Variants in ITGA3 observed in about 807,000 individuals in gnomAD.
The protein encoded by ITGA3 is integrin subunit alpha 3.
A neutral mutation model predicts 131.1 loss-of-function variants in ITGA3; 70 were observed. The ratio of observed to expected loss-of-function variants is 0.53; its 90% CI spans 0.44 to 0.65. The LOEUF (loss-of-function observed/expected upper bound fraction) is 0.65. Among genes scored for constraint, ITGA3 ranks in the 30% least tolerant of loss-of-function variants. ITGA3 has a pLI of 0.00. For synonymous variants in ITGA3, 537 were observed against 571.6 expected, an observed-to-expected ratio of 0.94 and a Z score of 0.86; for missense variants, 1,098 against 1,388.6, an observed-to-expected ratio of 0.79 and a Z score of 3.33.
intron 25 of ITGA3, 106 bp from the exon 26 acceptor site, chr17:50,089,004 T>C (rs1444502539): frequency 6.1e-6 from 5 of 821,630 alleles, no homozygotes; most frequent in Non-Finnish European, 1.0e-5. Flanking sequence ...GGTCAAGAGT[T>C]CTGGCTTTGA....
intron 22 of ITGA3, among the ~76,000 whole-genome samples, chr17:50,080,753 G>A (rs1465133185): frequency 6.6e-6 from 1 of 151,942 alleles, no homozygotes; most frequent in Non-Finnish European, 1.5e-5. Context: ...AGCTGAAAAT[G>A]ACCTCTCTTC....
chr17:50,068,270 T>C lies in ITGA3; in HGVS notation c.629T>C (p.Val210Ala). The change falls in exon 4 of 26, where the codon GTG (valine) becomes GCG (alanine). Residue 210 changes from valine (V) to alanine (A), a missense_variant. Coordinates refer to ENST00000320031, the MANE Select transcript of ITGA3 (RefSeq NM_002204.4). ...GTSGGFTQNT[V>A]YFGAPGAYNW... ...AGCGGTGGCTTCACCCAGAACACTG[T>C]GTACTTCGGCGCCCCCGGTGCCTAC... The C allele has an allele frequency of 6.2e-7, 1 of 1,613,624 alleles. No homozygotes were observed. The highest frequency in any genetic ancestry group is 1.1e-5 in the South Asian group (1 of 91,066).
chr17:50,075,591 A>G lies in ITGA3; in HGVS notation c.1538-8A>G, dbSNP rs1164283271. ...TGTCCCCTTGCTGACCACCCTGTCT[A>G]CCTGTAGCCCTGGCCTACACTCTGG... On this transcript the variant is annotated splice_region_variant and splice_polypyrimidine_tract_variant and intron_variant, in intron 11 of 25. Transcript: ENST00000320031. 1 of 1,614,058 alleles carries G rather than the reference A, an allele frequency of 6.2e-7. No individual in the cohort carries two copies. Among genetic ancestry groups the G allele is most frequent in the Non-Finnish European group, 8.5e-7 (1 of 1,180,026 alleles).
At chr17:50,071,542 G>T in intron 6 of ITGA3, 24 bp downstream of exon 6, 1 of 1,582,850 alleles carries the variant, frequency 6.3e-7, no homozygotes, top group South Asian at 1.1e-5. Flanking sequence ...GACATCCTCT[G>T]GGGCCAGGGA....
chr17:50,089,436 C>T lies in ITGA3; in HGVS notation c.*358C>T. ...CATGCTGTCTGGCCCTGGGGATCTT[C>T]CCACAGGAGGGCCAGCGCTGTGGAC... On this transcript the variant is annotated 3_prime_UTR_variant, in exon 26 of 26. Coordinates refer to ENST00000320031, the MANE Select transcript of ITGA3 (RefSeq NM_002204.4). 1.6e-6 allele frequency: 1 copy of T among 617,380 alleles called. No homozygotes were observed. Among genetic ancestry groups the T allele is most frequent in the African/African-American group, 1.8e-5 (1 of 54,280 alleles). The allele number at this position is 617,380 out of a possible 1,614,324, so 38.2% of individuals were successfully genotyped here. A position where few individuals can be genotyped will look rare whatever the true frequency, so the allele number is the denominator to read the frequency against.
At position 50,078,126 on chromosome 17, in the gene ITGA3, G is replaced by A. The variant is rs200623247; in HGVS notation, c.2219+1G>A. 3.7e-6 allele frequency: 6 copies of A among 1,613,612 alleles called. No individual in the cohort carries two copies. Among genetic ancestry groups the A allele is most frequent in the African/African-American group, 1.3e-5 (1 of 75,034 alleles). On this transcript the variant is annotated splice_donor_variant, in intron 17 of 25. Transcript: ENST00000320031. LOFTEE classifies it high-confidence loss of function. ...TTCAGGTGCAGCTGCAGCTCTCCACGTGAGTGACCTCGAAAAGCCAGTCTG... is the reference window on the plus strand; with the variant it reads ...TTCAGGTGCAGCTGCAGCTCTCCACATGAGTGACCTCGAAAAGCCAGTCTG...
At chr17:50,080,098 T>C (rs1215772019) in intron 21 of ITGA3, among the ~76,000 whole-genome samples, 164 bp from the exon 22 acceptor site, 1 of 152,050 alleles carries the variant, frequency 6.6e-6, no homozygotes. Context: ...CTGAAATGCA[T>C]AGCTGTGAGG....
chr17:50,081,128 T>A (rs550188719), intron 22 of ITGA3, 182 bp from the exon 23 acceptor site: 1 of 573,618 alleles, frequency 1.7e-6, no homozygotes, highest in Non-Finnish European at 3.1e-6. Flanking sequence ...CAGAAATGAA[T>A]GAACAAATAA....
At chr17:50,079,649 G>C (rs1200938230) in intron 21 of ITGA3, 92 bp downstream of exon 21, 3 of 1,321,696 alleles carry the variant, frequency 2.3e-6, no homozygotes, top group Non-Finnish European at 3.0e-6. Context: ...GGAGACCTCA[G>C]TGTGATGAGG....
Position 50,075,491 on chromosome 17 carries a change from AG to A in ITGA3, c.1503del (p.Ser502ValfsTer56). On this transcript the variant is annotated frameshift_variant, in exon 11 of 26. Transcript: ENST00000320031. LOFTEE classifies it high-confidence loss of function. ...VQVELCFAYN[Q>X]SAGNPNYRRN... ...GTGGAGCTGTGCTTTGCTTACAACC[AG>A]AGTGCCGGGAACCCCAACTACAGGC... 6.2e-7 allele frequency: 1 copy of A among 1,614,242 alleles called. No individual in the cohort carries two copies. Among genetic ancestry groups the A allele is most frequent in the South Asian group, 1.1e-5 (1 of 91,086 alleles).
In ITGA3 at chr17:50,056,732, A is replaced by C. The variant is rs560069882; in HGVS notation, c.206+87A>C. On this transcript the variant is annotated intron_variant, in intron 1 of 25. Coordinates refer to ENST00000320031, the MANE Select transcript of ITGA3 (RefSeq NM_002204.4). The surrounding 1 kb of genome is among the most constrained non-coding windows in gnomAD (Gnocchi z 5.6). ...CCGGAGCTGAGTCGGAGCCCAGGGCAGCTGGCCCTTGGGAGCCAGGATTAA... is the reference window on the plus strand; with the variant it reads ...CCGGAGCTGAGTCGGAGCCCAGGGCCGCTGGCCCTTGGGAGCCAGGATTAA... The C allele has an allele frequency of 7.3e-7, 1 of 1,366,162 alleles. No homozygotes were observed. Among genetic ancestry groups the C allele is most frequent in the East Asian group, 2.6e-5 (1 of 38,610 alleles). The allele number at this position is 1,366,162 out of a possible 1,614,324, so 84.6% of individuals were successfully genotyped here.
chr17:50,076,337 T>C lies in ITGA3; in HGVS notation c.1686T>C (p.Arg562=), dbSNP rs756535383. 6.8e-6 allele frequency: 11 copies of C among 1,613,458 alleles called. No homozygotes were observed. The highest frequency in any genetic ancestry group is 9.3e-6 in the Non-Finnish European group (11 of 1,179,894). ...KLELLLMDNL[R]DKLRPIIISM... ...CCCTCTCTCCCCAGGACAACCTCCG[T>C]GACAAACTCCGCCCCATCATCATCT... Residue 562 remains arginine, a synonymous_variant, in exon 13 of 26, where the codon CGT becomes CGC. Coordinates refer to ENST00000320031, the MANE Select transcript of ITGA3 (RefSeq NM_002204.4).
In ITGA3 at chr17:50,056,381, T is replaced by C; in HGVS notation, c.-59T>C. 1 of 1,289,392 alleles carries C rather than the reference T, an allele frequency of 7.8e-7. No homozygotes were observed. Among genetic ancestry groups the C allele is most frequent in the South Asian group, 1.7e-5 (1 of 60,352 alleles). The allele number at this position is 1,289,392 out of a possible 1,614,324, so 79.9% of individuals were successfully genotyped here. A position where few individuals can be genotyped will look rare whatever the true frequency, so the allele number is the denominator to read the frequency against. ...GCGCGGGGAGCAGGTGAACAGGTCC[T>C]CACGCCCAGCTCCGCGCCCTCACGC... On this transcript the variant is annotated 5_prime_UTR_variant, in exon 1 of 26. Transcript: ENST00000320031. The surrounding 1 kb of genome is among the most constrained non-coding windows in gnomAD (Gnocchi z 5.6).
chr17:50,064,537 G>A lies in ITGA3; in HGVS notation c.344G>A (p.Gly115Asp), dbSNP rs367769075. The A allele has an allele frequency of 1.1e-5, 18 of 1,612,184 alleles. No individual in the cohort carries two copies. In the African/African-American group the frequency reaches 2.3e-4, roughly 20 times the overall value. Residue 115 changes from glycine to aspartate, a missense_variant, in exon 3 of 26, where the codon GGC becomes GAC. Around this residue, in one of 3 missense-constraint regions of ITGA3, gnomAD observed 356 missense variants for 529.2 expected, o/e 0.67. Transcript: ENST00000320031. The surrounding 1 kb of genome is among the most constrained non-coding windows in gnomAD (Gnocchi z 4.4). ...RMNITVKNDP[G>D]HHIIEDMWLG... Reference sequence around the variant, plus strand: ...CTTCCGGTGCCCACAGATGACCCTGGCCATCACATTATTGAGGACATGTGG... The same window carrying A: ...CTTCCGGTGCCCACAGATGACCCTGACCATCACATTATTGAGGACATGTGG...
chr17:50,062,447 TC>T (rs539436487), intron 1 of ITGA3, among the ~76,000 whole-genome samples: 91 of 152,282 alleles, frequency 6.0e-4, no homozygotes, highest in African/African-American at 1.9e-3. Flanking sequence ...ATCGAGGCCT[TC>T]CCAGCCCAGA....
chr17:50,064,215 G>A lies in ITGA3; in HGVS notation c.334+11G>A. The stretch of plus-strand genomic sequence containing the variant: ...ACATCACAGTGAAAAGTGAGGGGAA[G>A]GGGCTGGGGAGGGGTGCTGGGTCAG... On this transcript the variant is annotated intron_variant, in intron 2 of 25. Coordinates refer to ENST00000320031, the MANE Select transcript of ITGA3 (RefSeq NM_002204.4). This position sits in a 1 kb window ranked among gnomAD's most constrained non-coding sequence, Gnocchi z 4.4. The A allele has an allele frequency of 6.2e-7, 1 of 1,601,840 alleles. No individual in the cohort carries two copies. Among genetic ancestry groups the A allele is most frequent in the Non-Finnish European group, 8.5e-7 (1 of 1,175,010 alleles).
intron 24 of ITGA3, 70 bp downstream of exon 24, chr17:50,087,939 C>T (rs978206319): frequency 2.4e-5 from 35 of 1,482,580 alleles, no homozygotes; most frequent in African/African-American, 1.1e-4. Context: ...CTCCAACCCA[C>T]GTCTCCCCAT....
intron 23 of ITGA3, among the ~76,000 whole-genome samples, chr17:50,083,465 T>G (rs941815089): frequency 1.3e-5 from 2 of 152,144 alleles, no homozygotes; most frequent in South Asian, 4.1e-4. Flanking sequence ...GGCTCACACT[T>G]GTAATCCCAG....
intron 3 of ITGA3, among the ~76,000 whole-genome samples, chr17:50,066,362 C>T (rs1908348908): frequency 6.7e-6 from 1 of 149,216 alleles, no homozygotes; most frequent in Non-Finnish European, 1.5e-5. Context: ...GCTCTGTCAC[C>T]CAGGCTGGAG....
Sources: gnomAD v4.1 joint callset for allele counts (sites outside exome capture counted in the v4.1 genomes callset) on GRCh38, gnomAD v4.1.1 for gene constraint, gnomAD v4.1.1 regional missense constraint, Gnocchi (gnomAD v3.1) non-coding constraint, MANE v1.5 for transcripts, NCBI Gene and HGNC (gene_info 2026-07-23, HGNC 2026-07-21) for gene names.